Variants in ADCY2 observed in about 807,000 individuals in gnomAD.
ADCY2 encodes the protein adenylate cyclase type 2.
A neutral mutation model predicts 125.2 loss-of-function variants in ADCY2; 31 were observed. The ratio of observed to expected loss-of-function variants is 0.25; its 90% confidence interval spans 0.19 to 0.33. The LOEUF is 0.33. Among genes scored for constraint, ADCY2 ranks in the 10% least tolerant of loss-of-function variants. The probability of loss-of-function intolerance (pLI) is 1.00; values close to 1 mark genes in which losing one functional copy is unlikely to be tolerated. For missense variants in ADCY2, 904 were observed against 1,418.2 expected (o/e 0.64, Z 5.82); for synonymous variants, 512 against 548.4 (o/e 0.93, Z 0.93).
chr5:7,757,315 G>A, intron 15 of ADCY2, 134 bp from the exon 16 acceptor site: 1 of 1,161,460 alleles, frequency 8.6e-7, no homozygotes, highest in Non-Finnish European at 1.2e-6. Context: ...TGGGTCCCCA[G>A]GGGAGGATAG....
intron 2 of ADCY2, among the ~76,000 whole-genome samples, chr5:7,515,369 TGGGG>T (rs1370089903): frequency 6.6e-6 from 1 of 152,164 alleles, no homozygotes; most frequent in Non-Finnish European, 1.5e-5. Flanking sequence ...TCTTATGTTT[TGGGG>T]TAGGCAGGAG....
chr5:7,804,410 A>G (rs1744695544), intron 21 of ADCY2, among the ~76,000 whole-genome samples, 175 bp from the exon 22 acceptor site: 1 of 152,222 alleles, frequency 6.6e-6, no homozygotes, highest in Non-Finnish European at 1.5e-5. Context: ...CATGCGCTGT[A>G]TGAAATACAA....
intron 3 of ADCY2, among the ~76,000 whole-genome samples, chr5:7,579,690 A>G (rs1225203560): frequency 6.6e-6 from 1 of 152,246 alleles, no homozygotes; most frequent in Non-Finnish European, 1.5e-5. Flanking sequence ...GTCATTCATA[A>G]TGCTTAGTCT....
intron 2 of ADCY2, among the ~76,000 whole-genome samples, chr5:7,502,392 G>A (rs1743627170): frequency 6.6e-6 from 1 of 152,112 alleles, no homozygotes; most frequent in South Asian, 2.1e-4. Flanking sequence ...AGTCCAGAGA[G>A]TGGAGAAGGC....
chr5:7,827,008 C>A lies in ADCY2; in HGVS notation c.*137C>A. ...GCCTCTGCAGACTCGTTCTCGTGACCCAGTGGCATACCGTTTGGTGTCTGA... is the reference window on the plus strand; with the variant it reads ...GCCTCTGCAGACTCGTTCTCGTGACACAGTGGCATACCGTTTGGTGTCTGA... On this transcript the variant is annotated 3_prime_UTR_variant, in exon 25 of 25. Coordinates refer to ENST00000338316, the MANE Select transcript of ADCY2 (RefSeq NM_020546.3). 9.5e-7 allele frequency: 1 copy of A among 1,050,386 alleles called. No individual in the cohort carries two copies. Among genetic ancestry groups the A allele is most frequent in the Non-Finnish European group, 1.4e-6 (1 of 739,362 alleles). 65.1% of individuals were successfully genotyped at this position (1,050,386 alleles called of 1,614,324 possible).
intron 3 of ADCY2, among the ~76,000 whole-genome samples, chr5:7,525,481 A>T (rs1405557937): frequency 1.3e-5 from 2 of 152,008 alleles, no homozygotes; most frequent in Non-Finnish European, 2.9e-5. Context: ...CCAGGCCTAA[A>T]ATCAACCCTC....
intron 4 of ADCY2, among the ~76,000 whole-genome samples, chr5:7,651,505 G>T (rs1258359191): frequency 6.6e-6 from 1 of 152,144 alleles, no homozygotes; most frequent in African/African-American, 2.4e-5. Flanking sequence ...AGGGCAGGAA[G>T]CACGAGAAAA....
intron 1 of ADCY2, among the ~76,000 whole-genome samples, chr5:7,401,878 C>A (rs1278413595): frequency 6.6e-6 from 1 of 152,210 alleles, no homozygotes; most frequent in Non-Finnish European, 1.5e-5. Flanking sequence ...AGAGTCTGAG[C>A]TGGATGTTGG....
intron 2 of ADCY2, among the ~76,000 whole-genome samples, chr5:7,460,178 A>G (rs1741866507): frequency 1.3e-5 from 2 of 152,154 alleles, no homozygotes; most frequent in South Asian, 4.1e-4. Context: ...AATTCTACTT[A>G]GTAGAATTGA....
At chr5:7,677,035 G>C (rs1171353544) in intron 4 of ADCY2, among the ~76,000 whole-genome samples, 1 of 152,074 alleles carries the variant, frequency 6.6e-6, no homozygotes, top group East Asian at 1.9e-4. Context: ...CCTGCGCTTT[G>C]GGAGGCCGAG....
At chr5:7,784,736 G>A (rs1579432632) in intron 19 of ADCY2, among the ~76,000 whole-genome samples, 1 of 149,722 alleles carries the variant, frequency 6.7e-6, no homozygotes, top group Non-Finnish European at 1.5e-5. Context: ...GTTTTTGTAA[G>A]CCTACAAAAG....
intron 3 of ADCY2, among the ~76,000 whole-genome samples, chr5:7,552,157 C>A (rs914943132): frequency 2.6e-5 from 4 of 152,154 alleles, no homozygotes; most frequent in African/African-American, 7.2e-5. Context: ...GTGAACAGAG[C>A]TTCCTATCAG....
At chr5:7,587,503 G>T (rs763073504) in intron 3 of ADCY2, among the ~76,000 whole-genome samples, 4 of 152,082 alleles carry the variant, frequency 2.6e-5, no homozygotes, top group South Asian at 2.1e-4. Context: ...AACAGTCTTC[G>T]TTCTCAACGA....
At chr5:7,624,707 A>C (rs1738066094) in intron 3 of ADCY2, among the ~76,000 whole-genome samples, 1 of 152,164 alleles carries the variant, frequency 6.6e-6, no homozygotes, top group East Asian at 1.9e-4. Context: ...AAATTCCCAT[A>C]ATGGGTTCCA....
intron 4 of ADCY2, among the ~76,000 whole-genome samples, chr5:7,681,990 T>C (rs78618360): frequency 0.085 from 13,007 of 152,154 alleles, 1,875 homozygotes; most frequent in African/African-American, 0.3. Flanking sequence ...TTCCTCCCAC[T>C]GGTTCTAATC....
chr5:7,507,790 A>G (rs1329215234), intron 2 of ADCY2, among the ~76,000 whole-genome samples: 1 of 152,148 alleles, frequency 6.6e-6, no homozygotes, highest in Admixed American at 6.5e-5. Context: ...AGCTTACCTC[A>G]TGGTGTTCCA....
intron 4 of ADCY2, among the ~76,000 whole-genome samples, chr5:7,628,052 G>A (rs1342059886): frequency 1.3e-5 from 2 of 152,146 alleles, no homozygotes; most frequent in African/African-American, 2.4e-5. Flanking sequence ...CTATTATCCA[G>A]TTTATTCTTA....
chr5:7,747,271 C>G (rs1451989863), intron 15 of ADCY2, among the ~76,000 whole-genome samples: 1 of 152,216 alleles, frequency 6.6e-6, no homozygotes, highest in African/African-American at 2.4e-5. Context: ...TCTTTTTACA[C>G]CGTGGGACTG....
At chr5:7,513,494 A>G (rs1333189631) in intron 2 of ADCY2, among the ~76,000 whole-genome samples, 2 of 152,220 alleles carry the variant, frequency 1.3e-5, no homozygotes, top group African/African-American at 4.8e-5. Context: ...AGTTTAAACA[A>G]TGTACCTAAT....
Sources: gnomAD v4.1 joint callset for allele counts (sites outside exome capture counted in the v4.1 genomes callset) on GRCh38, gnomAD v4.1.1 for gene constraint, MANE v1.5 for transcripts, NCBI Gene and HGNC (gene_info 2026-07-23, HGNC 2026-07-21) for gene names.